TMEM64: variants seen among roughly 807,000 people sequenced by gnomAD.
TMEM64 encodes the protein transmembrane protein 64.
Under a neutral mutation model 24.5 loss-of-function variants are expected in TMEM64, and 19 were observed. The ratio of observed to expected loss-of-function variants is 0.78; its 90% confidence interval spans 0.54 to 1.14. TMEM64 has a LOEUF of 1.14. Ranked by LOEUF, TMEM64 falls within the 50% of genes most tolerant of loss-of-function variation. The pLI is 0.00. For synonymous variants in TMEM64, 262 were observed against 224.7 expected (o/e 1.17, Z -1.49); for missense variants, 487 against 493.0 (o/e 0.99, Z 0.12).
intron 1 of TMEM64, 124 bp downstream of exon 1, chr8:90,644,987 G>GT (rs1942937575): frequency 1.9e-6 from 2 of 1,076,072 alleles, no homozygotes; most frequent in African/African-American, 1.6e-5. Flanking sequence ...GAAAGTAATC[G>GT]TAACTCCTGC....
intron 1 of TMEM64, among the ~76,000 whole-genome samples, chr8:90,640,790 T>C (rs1364602898): frequency 2.6e-5 from 4 of 152,310 alleles, no homozygotes; most frequent in South Asian, 4.1e-4. Flanking sequence ...TCACTATTAT[T>C]ATTTCAGTCA....
rs143709820 is a variant in TMEM64 at position 90,637,622 on chromosome 8, T to C, written c.796-5915A>G. Among the ~76,000 whole-genome samples, 36 of 152,164 alleles carry C rather than the reference T, an allele frequency of 2.4e-4. No homozygotes were observed. The East Asian group carries it at 5.6e-3, about 24-fold the overall frequency. On this transcript the variant is annotated intron_variant, in intron 1 of 2. Coordinates refer to ENST00000458549, the MANE Select transcript of TMEM64 (RefSeq NM_001008495.4). ...TATATGAAAAAATCATGAATCCCTATAGAAAAAAATCATGAATCCCTATGA... is the reference window on the plus strand; with the variant it reads ...TATATGAAAAAATCATGAATCCCTACAGAAAAAAATCATGAATCCCTATGA...
chr8:90,638,808 G>T (rs1052866082), intron 1 of TMEM64, among the ~76,000 whole-genome samples: 1 of 152,026 alleles, frequency 6.6e-6, no homozygotes, highest in Non-Finnish European at 1.5e-5. Context: ...CAAACACACA[G>T]AAAAAATGTT....
At position 90,625,525 on chromosome 8, in the gene TMEM64, TA is replaced by T. The variant is rs879893663; in HGVS notation, c.*145del. On this transcript the variant is annotated 3_prime_UTR_variant, in exon 3 of 3. Transcript: ENST00000458549. ...CATACCCAGAAAATGATTCTTGCTT[TA>T]AAAAAAAAAAATTGTGCAATTTAAA... is the stretch of plus-strand genomic sequence containing the variant. 54,204 of 465,654 alleles carry T rather than the reference TA, an allele frequency of 0.12. 124 individuals carry two copies. The highest frequency in any genetic ancestry group is 0.17 in the Admixed American group (4,496 of 25,772). The allele number at this position is 465,654 out of a possible 1,614,324, so 28.8% of individuals were successfully genotyped here. A position where few individuals can be genotyped will look rare whatever the true frequency, so the allele number is the denominator to read the frequency against.
intron 2 of TMEM64, among the ~76,000 whole-genome samples, chr8:90,629,331 A>C (rs1455959378): frequency 6.6e-6 from 1 of 152,232 alleles, no homozygotes; most frequent in East Asian, 1.9e-4. Flanking sequence ...TCTATAGTTT[A>C]AAAAGCATCA....
chr8:90,634,944 T>C (rs1347893368), intron 1 of TMEM64, among the ~76,000 whole-genome samples: 1 of 152,208 alleles, frequency 6.6e-6, no homozygotes, highest in Non-Finnish European at 1.5e-5. Context: ...ACTATATTAA[T>C]AGATAATGAA....
rs1214777758 is a variant in TMEM64, at chr8:90,624,713, T to C, written c.*958A>G. 1 of 152,550 alleles carries C rather than the reference T, an allele frequency of 6.6e-6. No individual in the cohort carries two copies. Among genetic ancestry groups the C allele is most frequent in the African/African-American group, 2.4e-5 (1 of 41,454 alleles). 9.4% of individuals were successfully genotyped at this position (152,550 alleles called of 1,614,324 possible). ...TATGTACTTCATGAAATTATAAACA[T>C]GTTTTTAAAGCTTGGTTTTTAAAAA... On this transcript the variant is annotated 3_prime_UTR_variant, in exon 3 of 3. Coordinates refer to ENST00000458549, the MANE Select transcript of TMEM64 (RefSeq NM_001008495.4).
Position 90,645,447 on chromosome 8 carries a change from G to C in TMEM64, c.459C>G (p.Ser153Arg). The change falls in exon 1 of 3, where the codon AGC becomes AGG. Residue 153 changes from serine (S) to arginine (R), a missense_variant. Around this residue, in one of 3 missense-constraint regions of TMEM64, gnomAD observed 419 missense variants for 407.5 expected, o/e 1.03. Coordinates refer to ENST00000458549, the MANE Select transcript of TMEM64 (RefSeq NM_001008495.4). This position sits in a 1 kb window ranked among gnomAD's most constrained non-coding sequence, Gnocchi z 4.2. Reference sequence around the variant, plus strand: ...GCAGGACCCCCAGCAGCGAGTCAAGGCTCTCCACCCACAGCAGGAGGTGGT... The same window carrying C: ...GCAGGACCCCCAGCAGCGAGTCAAGCCTCTCCACCCACAGCAGGAGGTGGT... ...YLHHLLLWVE[S>R]LDSLLGVLLF... 1 of 1,551,546 alleles carries C rather than the reference G, an allele frequency of 6.4e-7. No homozygotes were observed. Among genetic ancestry groups the C allele is most frequent in the South Asian group, 1.2e-5 (1 of 84,050 alleles).
At chr8:90,641,845 G>A (rs1809609412) in intron 1 of TMEM64, among the ~76,000 whole-genome samples, 1 of 152,100 alleles carries the variant, frequency 6.6e-6, no homozygotes, top group African/African-American at 2.4e-5. Flanking sequence ...GGCAGAGGAT[G>A]GTGAGAAAGA....
rs531145466 is a variant in TMEM64 at position 90,639,763 on chromosome 8, GTT to G, written c.795+5346_795+5347del. Among the ~76,000 whole-genome samples the G allele has an allele frequency of 2.1e-3, 319 of 152,254 alleles. 1 individual carries two copies. Among genetic ancestry groups the G allele is most frequent in the African/African-American group, 7.2e-3 (301 of 41,546 alleles). On this transcript the variant is annotated intron_variant, in intron 1 of 2. Coordinates refer to ENST00000458549, the MANE Select transcript of TMEM64 (RefSeq NM_001008495.4). The stretch of plus-strand genomic sequence containing the variant: ...AAATAAACACGAAAATGTTAATGAT[GTT>G]TTTCTTTGTACTTGCTATACTTTTC...
In TMEM64 at chr8:90,625,827, A is replaced by C. The variant is rs1042961650; in HGVS notation, c.987T>G (p.Val329=). The C allele has an allele frequency of 1.9e-6, 3 of 1,613,586 alleles. No individual in the cohort carries two copies. Among genetic ancestry groups the C allele is most frequent in the Non-Finnish European group, 2.5e-6 (3 of 1,179,660 alleles). The stretch of plus-strand genomic sequence containing the variant: ...CATTCAATTCCACTTGAGCTCGATG[A>C]ACTACATAAAACATGAGGCCTATAC... The part of the protein sequence containing the change: ...IISIGLMFYV[V]HRAQVELNAA... Residue 329 remains valine (V), a synonymous_variant, in exon 3 of 3, where the codon GTT becomes GTG. Transcript: ENST00000458549.
chr8:90,627,465 T>C (rs1484139707), intron 2 of TMEM64, among the ~76,000 whole-genome samples: 1 of 12,492 alleles, frequency 8.0e-5, no homozygotes, highest in African/African-American at 3.3e-4. Flanking sequence ...GAAAAAAATA[T>C]GGGGGCGGGG....
At position 90,643,753 on chromosome 8, in the gene TMEM64, T is replaced by C. The variant is rs533288654; in HGVS notation, c.795+1358A>G. Reference sequence around the variant, plus strand: ...AAGTTCAAGTTTATATTTCATACTATAGGAGGGTATGAAAAAGAAATTTAA... The same window carrying C: ...AAGTTCAAGTTTATATTTCATACTACAGGAGGGTATGAAAAAGAAATTTAA... On this transcript the variant is annotated intron_variant, in intron 1 of 2. Transcript: ENST00000458549. 1.3e-3 allele frequency among the ~76,000 whole-genome samples: 196 copies of C among 152,312 alleles called. 2 individuals carry two copies. The highest frequency in any genetic ancestry group is 2.1e-3 in the Non-Finnish European group (145 of 68,030).
In TMEM64 at chr8:90,646,076, CG is replaced by C. The variant is rs1182279416; in HGVS notation, c.-172del. ...AGTCAGCGGAGGAGCGACGGCCAGG[CG>C]GGGAGTGAGGAAACTCCTGCCCCAG... On this transcript the variant is annotated 5_prime_UTR_variant, in exon 1 of 3. Transcript: ENST00000458549. 7 of 226,340 alleles carry C rather than the reference CG, an allele frequency of 3.1e-5. No homozygotes were observed. In the South Asian group the frequency reaches 5.2e-4, roughly 17 times the overall value. The allele number at this position is 226,340 out of a possible 1,614,324, so 14.0% of individuals were successfully genotyped here.
At chr8:90,643,504 A>G (rs1462380719) in intron 1 of TMEM64, among the ~76,000 whole-genome samples, 3 of 152,242 alleles carry the variant, frequency 2.0e-5, no homozygotes, top group African/African-American at 7.2e-5. Flanking sequence ...ACACTAGTCT[A>G]TAATATGTGC....
intron 2 of TMEM64, 112 bp from the exon 3 acceptor site, chr8:90,625,974 G>T: frequency 1.4e-6 from 1 of 704,578 alleles, no homozygotes; most frequent in Non-Finnish European, 2.3e-6. Flanking sequence ...TCTCAAAGAT[G>T]GTAGGTAAAG....
intron 1 of TMEM64, among the ~76,000 whole-genome samples, chr8:90,638,675 T>C (rs1809558546): frequency 6.6e-6 from 1 of 152,220 alleles, no homozygotes; most frequent in Non-Finnish European, 1.5e-5. Flanking sequence ...GGAGGTTGGA[T>C]GTATCAACAC....
rs1809668390 is a variant in TMEM64, at chr8:90,645,078, T to G, written c.795+33A>C. ...CCACAAGACCGCTCAAAAACAGACT[T>G]GGAGAGGGATAGGCCAGCGGGACCC... On this transcript the variant is annotated intron_variant, in intron 1 of 2. Coordinates refer to ENST00000458549, the MANE Select transcript of TMEM64 (RefSeq NM_001008495.4). This position sits in a 1 kb window ranked among gnomAD's most constrained non-coding sequence, Gnocchi z 4.2. 2.5e-6 allele frequency: 4 copies of G among 1,573,438 alleles called. No homozygotes were observed. Among genetic ancestry groups the G allele is most frequent in the Non-Finnish European group, 3.5e-6 (4 of 1,155,250 alleles).
chr8:90,645,111 C>G lies in TMEM64; in HGVS notation c.795G>C (p.Ser265=). Residue 265 remains serine, a splice_region_variant and synonymous_variant, in exon 1 of 3, where the codon TCG becomes TCC. Transcript: ENST00000458549. This position sits in a 1 kb window ranked among gnomAD's most constrained non-coding sequence, Gnocchi z 4.2. The part of the protein sequence containing the change: ...IPFGLQNAVF[S]ITDLSLPNYL... ...GATAGGCCAGCGGGACCCCACTTAC[C>G]GAAAACACTGCATTCTGAAGCCCAA... 5 of 1,601,028 alleles carry G rather than the reference C, an allele frequency of 3.1e-6. No homozygotes were observed. Among genetic ancestry groups the G allele is most frequent in the Non-Finnish European group, 4.3e-6 (5 of 1,170,432 alleles).
Sources: allele counts gnomAD v4.1 joint callset (sites outside exome capture counted in the v4.1 genomes callset), GRCh38; gene constraint gnomAD v4.1.1; regional missense constraint gnomAD v4.1.1; non-coding constraint Gnocchi (gnomAD v3.1); transcripts MANE v1.5; gene names NCBI Gene and HGNC (gene_info 2026-07-23, HGNC 2026-07-21).